The following REX1BD variants were observed in gnomAD, a reference collection of about 807,000 sequenced individuals.
The protein encoded by REX1BD is required for excision 1-B domain-containing protein.
A neutral mutation model predicts 24.4 loss-of-function variants in REX1BD; 22 were observed. That is an observed-to-expected ratio of 0.90 (90% CI 0.64 to 1.29). The LOEUF (loss-of-function observed/expected upper bound fraction) is 1.29. Ranked by LOEUF, REX1BD falls within the 50% of genes most tolerant of loss-of-function variation. REX1BD has a pLI of 0.00. For synonymous variants in REX1BD, 146 were observed against 125.9 expected (o/e 1.16, Z -1.07); for missense variants, 293 against 285.3 (o/e 1.03, Z -0.19).
chr19:18,589,575 G>C lies in REX1BD; in HGVS notation c.345G>C (p.Ser115=), dbSNP rs758601237. ...TGACCCAGGCCTTCGCCGCCGCCTC[G>C]CGGGAGGTGCTGGCGGTGGAAGCAG... ...HGVTQAFAAA[S]REVLAVEAEL... The change falls in exon 3 of 5, where the codon TCG becomes TCC. Residue 115 remains serine, a synonymous_variant. Coordinates refer to ENST00000358607, the MANE Select transcript of REX1BD (RefSeq NM_001100418.2). The C allele has an allele frequency of 6.4e-7, 1 of 1,559,754 alleles. No homozygotes were observed. The highest frequency in any genetic ancestry group is 8.6e-7 in the Non-Finnish European group (1 of 1,160,548).
chr19:18,589,143 C>T (rs1464722371), intron 2 of REX1BD, 66 bp downstream of exon 2: 1 of 1,462,384 alleles, frequency 6.8e-7, no homozygotes, highest in African/African-American at 1.4e-5. Flanking sequence ...GGCGTGTTCT[C>T]GGCGGGCGTG....
chr19:18,588,938 G>A, intron 1 of REX1BD, 38 bp downstream of exon 1: 1 of 1,524,440 alleles, frequency 6.6e-7, no homozygotes, highest in Non-Finnish European at 8.8e-7. Context: ...CGCGGGGCGG[G>A]CGGCGCAGAC....
intron 2 of REX1BD, 105 bp downstream of exon 2, chr19:18,589,182 G>A: frequency 2.0e-6 from 3 of 1,487,148 alleles, no homozygotes; most frequent in South Asian, 2.6e-5. Context: ...TCCTTGTGTG[G>A]CTGCAGAGTC....
In REX1BD at chr19:18,588,822, G is replaced by A. The variant is rs1229870757; in HGVS notation, c.21G>A (p.Ala7=). ...CAGTCATGATCACCGAGACCGCGGC[G>A]GAGCCTACGGTCCCTGCAGTGCCTG... MITETA[A]EPTVPAVPAA... The change falls in exon 1 of 5, where the codon GCG becomes GCA. Residue 7 remains alanine, a synonymous_variant. Transcript: ENST00000358607. 1 of 1,532,788 alleles carries A rather than the reference G, an allele frequency of 6.5e-7. No homozygotes were observed. 94.9% of individuals were successfully genotyped at this position (1,532,788 alleles called of 1,614,324 possible).
intron 4 of REX1BD, 135 bp downstream of exon 4, chr19:18,591,068 TC>T: frequency 1.3e-6 from 1 of 749,666 alleles, no homozygotes. Context: ...GATGTACACT[TC>T]CCCAGAGGGC....
chr19:18,590,501 G>A (rs1568438019), intron 3 of REX1BD: 2 of 217,852 alleles, frequency 9.2e-6, no homozygotes, highest in Admixed American at 5.6e-5. Flanking sequence ...GATTTCAGGC[G>A]TGAGCCACCG....
In REX1BD at chr19:18,592,274, C is replaced by T. The variant is rs1976060593; in HGVS notation, c.*94C>T. ...CTGCCAGCTGGCTGGGGTTGCGCCC[C>T]ACTGCGCTGCTGACCTTCCTGCAGT... is the stretch of plus-strand genomic sequence containing the variant. On this transcript the variant is annotated 3_prime_UTR_variant, in exon 5 of 5. Transcript: ENST00000358607. The T allele has an allele frequency of 4.3e-6, 6 of 1,379,540 alleles. No homozygotes were observed. Among genetic ancestry groups the T allele is most frequent in the Non-Finnish European group, 3.1e-6 (3 of 975,406 alleles). 85.5% of individuals were successfully genotyped at this position (1,379,540 alleles called of 1,614,324 possible). A position where few individuals can be genotyped will look rare whatever the true frequency, so the allele number is the denominator to read the frequency against.
intron 3 of REX1BD, 46 bp downstream of exon 3, chr19:18,589,729 G>C (rs1312627755): frequency 7.0e-7 from 1 of 1,437,702 alleles, no homozygotes; most frequent in East Asian, 2.6e-5. Flanking sequence ...GACCCTGGCC[G>C]GCTCCTCTCA....
At chr19:18,590,035 A>AG (rs969092736) in intron 3 of REX1BD, 2 of 278,216 alleles carry the variant, frequency 7.2e-6, no homozygotes, top group African/African-American at 2.2e-5. Flanking sequence ...GATACAGGCG[A>AG]GGGGGGTCCC....
At chr19:18,592,014 G>C (rs1976052319) in intron 4 of REX1BD, 94 bp from the exon 5 acceptor site, 1 of 1,456,610 alleles carries the variant, frequency 6.9e-7, no homozygotes, top group Non-Finnish European at 9.6e-7. Context: ...GGAGGGCCTG[G>C]GGCTCACCAC....
chr19:18,591,021 G>C, intron 4 of REX1BD, 88 bp downstream of exon 4: 5 of 1,240,080 alleles, frequency 4.0e-6, no homozygotes, highest in Non-Finnish European at 5.4e-6. Context: ...GGAACCCTCT[G>C]CCAGTGCACA....
At chr19:18,589,906 A>G in intron 3 of REX1BD, 2 of 576,934 alleles carry the variant, frequency 3.5e-6, no homozygotes. Flanking sequence ...TTCCCAGAGC[A>G]CTCCCGCTTT....
chr19:18,590,756 C>A, intron 3 of REX1BD, 98 bp from the exon 4 acceptor site: 1 of 1,238,310 alleles, frequency 8.1e-7, no homozygotes, highest in East Asian at 2.6e-5. Flanking sequence ...CGGGCACTGC[C>A]TTTCTGGGTG....
At position 18,590,891 on chromosome 19, in the gene REX1BD, C is replaced by A; in HGVS notation, c.491C>A (p.Ala164Glu). ...LLQLMETPEL[A>E]GQEDAVRMQQ... ...CAGTTGATGGAGACGCCAGAGCTGG[C>A]GGGGCAGGAGGACGCTGTACGGATG... Residue 164 changes from alanine to glutamate, a missense_variant, in exon 4 of 5, where the codon GCG becomes GAG. Transcript: ENST00000358607. The A allele has an allele frequency of 6.2e-7, 1 of 1,603,808 alleles. No individual in the cohort carries two copies. The highest frequency in any genetic ancestry group is 8.5e-7 in the Non-Finnish European group (1 of 1,175,778).
intron 3 of REX1BD, 74 bp downstream of exon 3, chr19:18,589,757 G>A (rs967975597): frequency 7.0e-7 from 1 of 1,429,040 alleles, no homozygotes; most frequent in African/African-American, 1.5e-5. Context: ...CCCCTGGTTG[G>A]GGGGTGGTCC....
At chr19:18,590,567 G>A in intron 3 of REX1BD, 1 of 335,048 alleles carries the variant, frequency 3.0e-6, no homozygotes, top group East Asian at 6.2e-5. Context: ...GGACCATGAG[G>A]CGCAACCTAA....
At chr19:18,591,060 T>G (rs1374898609) in intron 4 of REX1BD, 127 bp downstream of exon 4, 1 of 835,392 alleles carries the variant, frequency 1.2e-6, no homozygotes, top group Non-Finnish European at 1.8e-6. Flanking sequence ...GGCCCTCAGA[T>G]GTACACTTCC....
rs1171306633 is a variant in REX1BD at position 18,590,884 on chromosome 19, G to C, written c.484G>C (p.Glu162Gln). 4 of 1,606,008 alleles carry C rather than the reference G, an allele frequency of 2.5e-6. No homozygotes were observed. The African/African-American group carries it at 5.4e-5, about 22-fold the overall frequency. The change falls in exon 4 of 5, where the codon GAG becomes CAG. Residue 162 changes from glutamate to glutamine, a missense_variant. Glu to Gln is a conservative substitution (Grantham distance 29). Coordinates refer to ENST00000358607, the MANE Select transcript of REX1BD (RefSeq NM_001100418.2). ...VALLQLMETP[E>Q]LAGQEDAVRM... ...CCTGCTGCAGTTGATGGAGACGCCA[G>C]AGCTGGCGGGGCAGGAGGACGCTGT...
At chr19:18,590,030 A>G (rs1366035377) in intron 3 of REX1BD, 3 of 284,682 alleles carry the variant, frequency 1.1e-5, no homozygotes, top group East Asian at 1.3e-4. Flanking sequence ...CCGTAGATAC[A>G]GGCGAGGGGG....
Sources: allele counts gnomAD v4.1 joint callset, GRCh38; gene constraint gnomAD v4.1.1; transcripts MANE v1.5; gene names NCBI Gene and HGNC (gene_info 2026-07-23, HGNC 2026-07-21).